Variants in SUGCT observed in about 807,000 individuals in gnomAD.
The protein encoded by SUGCT is succinyl-CoA:glutarate-CoA transferase.
In SUGCT, 41 loss-of-function variants were observed where a neutral mutation model predicts 55.0. The ratio of observed to expected loss-of-function variants is 0.74; its 90% CI spans 0.58 to 0.97. The LOEUF (loss-of-function observed/expected upper bound fraction) is 0.97, where lower values mean the gene tolerates loss of function less well. Ranked by LOEUF, SUGCT falls within the 50% of genes least tolerant of loss-of-function variation. SUGCT has a pLI of 0.00. For synonymous variants in SUGCT, 187 were observed against 200.4 expected (o/e 0.93, Z 0.56); for missense variants, 568 against 547.8 (o/e 1.04, Z -0.37).
intron 12 of SUGCT, among the ~76,000 whole-genome samples, chr7:40,704,089 A>G (rs574622605): frequency 6.6e-6 from 1 of 152,354 alleles, no homozygotes; most frequent in African/African-American, 2.4e-5. Flanking sequence ...CTAGAGCCCT[A>G]GAGATTCTTA....
intron 12 of SUGCT, among the ~76,000 whole-genome samples, chr7:40,735,655 G>A (rs866512011): frequency 1.3e-5 from 2 of 151,842 alleles, no homozygotes; most frequent in East Asian, 3.9e-4. Context: ...AATAAAGGTC[G>A]GACATCCAAA....
intron 9 of SUGCT, among the ~76,000 whole-genome samples, chr7:40,428,667 T>TA (rs1261912813): frequency 6.6e-6 from 1 of 152,184 alleles, no homozygotes; most frequent in African/African-American, 2.4e-5. Flanking sequence ...TGTCACACCT[T>TA]ACAGCTATTT....
chr7:40,184,241 G>A (rs1376128160), intron 3 of SUGCT, among the ~76,000 whole-genome samples: 2 of 152,016 alleles, frequency 1.3e-5, no homozygotes, highest in East Asian at 3.9e-4. Flanking sequence ...CACAGTCCAT[G>A]TTTTTTAATG....
chr7:40,544,569 T>C (rs908979417), intron 12 of SUGCT, among the ~76,000 whole-genome samples: 7 of 151,972 alleles, frequency 4.6e-5, no homozygotes, highest in Admixed American at 3.9e-4. Context: ...TAATACTCTA[T>C]CGCTTGTGTA....
At chr7:40,708,026 A>G (rs550209923) in intron 12 of SUGCT, among the ~76,000 whole-genome samples, 3 of 152,290 alleles carry the variant, frequency 2.0e-5, no homozygotes, top group Admixed American at 6.5e-5. Flanking sequence ...AATAATATTT[A>G]TATACTTTGA....
rs115878864 is a variant in SUGCT, at chr7:40,735,676, G to A, written c.1090-13758G>A. Among the ~76,000 whole-genome samples the A allele has an allele frequency of 9.3e-3, 1,412 of 152,234 alleles. 17 individuals carry two copies. The highest frequency in any genetic ancestry group is 0.032 in the African/African-American group (1,328 of 41,546). On this transcript the variant is annotated intron_variant, in intron 12 of 13. Transcript: ENST00000335693. ...GGTCGGACATCCAAAAGTCAGCAAT[G>A]TCAGTGGGTGAACTAGGTAAAAAAC...
At chr7:41,011,733 A>G in the SUGCT span, among the ~76,000 whole-genome samples, 10 of 152,298 alleles carry the variant, frequency 6.6e-5, no homozygotes, top group Middle Eastern at 3.4e-3. Context: ...CTCCCTCCCA[A>G]TGGAACTGGA....
chr7:40,513,813 A>G (rs1793080403), intron 12 of SUGCT, among the ~76,000 whole-genome samples: 1 of 125,596 alleles, frequency 8.0e-6, no homozygotes, highest in Non-Finnish European at 1.6e-5. Flanking sequence ...TTTTGGAGAC[A>G]GAGTCTTGGT....
rs189625947 is a variant in SUGCT, at chr7:40,381,549, G to A, written c.816+64694G>A. Among the ~76,000 whole-genome samples the A allele has an allele frequency of 2.6e-5, 4 of 152,014 alleles. No homozygotes were observed. In the East Asian group the frequency reaches 7.7e-4, roughly 29 times the overall value. ...CCTAAATCTGTTGACTCGTGGTTCCGAAAAAACTATAAAATTCAGTAACTT... is the reference window on the plus strand; with the variant it reads ...CCTAAATCTGTTGACTCGTGGTTCCAAAAAAACTATAAAATTCAGTAACTT... On this transcript the variant is annotated intron_variant, in intron 9 of 13. Transcript: ENST00000335693.
At chr7:40,950,709 G>T in the SUGCT span, among the ~76,000 whole-genome samples, 1 of 152,202 alleles carries the variant, frequency 6.6e-6, no homozygotes, top group African/African-American at 2.4e-5. Flanking sequence ...TATCTATTGA[G>T]ATAATCGTGT....
At chr7:40,499,204 A>G (rs1205560479) in intron 12 of SUGCT, 1 of 440,772 alleles carries the variant, frequency 2.3e-6, no homozygotes, top group Non-Finnish European at 4.6e-6. Flanking sequence ...GGCCTGGAAC[A>G]TGGCGTAGGA....
intron 12 of SUGCT, among the ~76,000 whole-genome samples, chr7:40,589,167 T>C (rs1312771806): frequency 1.3e-5 from 2 of 152,112 alleles, no homozygotes; most frequent in African/African-American, 2.4e-5. Flanking sequence ...TGTGTGTGTG[T>C]GCTTGTGTGT....
intron 9 of SUGCT, among the ~76,000 whole-genome samples, chr7:40,352,480 A>G (rs1797683545): frequency 1.3e-5 from 2 of 152,146 alleles, no homozygotes; most frequent in South Asian, 4.1e-4. Flanking sequence ...ACTCTCAAGT[A>G]GGCCCTGGTG....
At chr7:40,692,723 C>T (rs896486247) in intron 12 of SUGCT, among the ~76,000 whole-genome samples, 3 of 152,096 alleles carry the variant, frequency 2.0e-5, no homozygotes, top group African/African-American at 7.2e-5. Flanking sequence ...GGCTCGGGCA[C>T]CAATTCTAAA....
intron 12 of SUGCT, among the ~76,000 whole-genome samples, chr7:40,666,963 A>C (rs941931505): frequency 1.3e-5 from 2 of 152,032 alleles, no homozygotes; most frequent in Non-Finnish European, 2.9e-5. Context: ...CCTCGTCTCT[A>C]CTAAAATTAG....
At chr7:40,368,374 T>A (rs1784119601) in intron 9 of SUGCT, among the ~76,000 whole-genome samples, 1 of 152,008 alleles carries the variant, frequency 6.6e-6, no homozygotes, top group Non-Finnish European at 1.5e-5. Flanking sequence ...ATTTTTTGTA[T>A]TTTTAGTAGA....
At chr7:40,209,116 T>C (rs1787184585) in intron 6 of SUGCT, among the ~76,000 whole-genome samples, 1 of 152,196 alleles carries the variant, frequency 6.6e-6, no homozygotes, top group South Asian at 2.1e-4. Context: ...GGAGTTTCAG[T>C]TGGTGCTTTC....
chr7:40,898,755 G>C, the SUGCT span, among the ~76,000 whole-genome samples: 12 of 152,142 alleles, frequency 7.9e-5, no homozygotes, highest in African/African-American at 2.6e-4. Flanking sequence ...GGAAGTCAGC[G>C]AGACCGAAAG....
intron 7 of SUGCT, among the ~76,000 whole-genome samples, chr7:40,257,398 G>T (rs145999276): frequency 2.0e-5 from 3 of 151,972 alleles, no homozygotes; most frequent in African/African-American, 7.3e-5. Flanking sequence ...GCACTGGTAC[G>T]CTGGAATCTG....
Sources: gnomAD v4.1 joint callset for allele counts (sites outside exome capture counted in the v4.1 genomes callset) on GRCh38, gnomAD v4.1.1 for gene constraint, MANE v1.5 for transcripts, NCBI Gene and HGNC (gene_info 2026-07-23, HGNC 2026-07-21) for gene names.